The following FBXO11 variants were observed in gnomAD, a reference collection of about 807,000 sequenced individuals.
The protein encoded by FBXO11 is F-box protein 11.
FBXO11 carries 13 observed loss-of-function variants against 117.0 expected under a neutral mutation model. That is an observed-to-expected ratio of 0.11 (90% confidence interval 0.07 to 0.18). The LOEUF (loss-of-function observed/expected upper bound fraction) is 0.18. Ranked by LOEUF, FBXO11 falls within the 10% of genes least tolerant of loss-of-function variation. The pLI is 1.00. For synonymous variants in FBXO11, 490 were observed against 380.5 expected, an observed-to-expected ratio of 1.29 and a Z score of -3.35; for missense variants, 767 against 1,164.4, an observed-to-expected ratio of 0.66 and a Z score of 4.97.
chr2:47,810,242 A>G (rs1200476134), intron 19 of FBXO11, 74 bp downstream of exon 19: 1 of 997,946 alleles, frequency 1.0e-6, no homozygotes, highest in African/African-American at 1.7e-5. Flanking sequence ...TAAGCAAAAC[A>G]AAATGAATAT....
chr2:47,865,658 T>C (rs1479669334), intron 1 of FBXO11: 2 of 152,214 alleles, frequency 1.3e-5, no homozygotes, highest in African/African-American at 2.4e-5. Flanking sequence ...CTAATTTTAA[T>C]TAATAGTCAT....
chr2:47,874,795 A>G (rs925468761), intron 1 of FBXO11, among the ~76,000 whole-genome samples: 9 of 152,066 alleles, frequency 5.9e-5, no homozygotes, highest in Middle Eastern at 3.4e-3. Flanking sequence ...TCAGCCTCCC[A>G]AAGTGCTAGG....
chr2:47,809,974 T>C (rs1331093231), intron 19 of FBXO11: 6 of 495,288 alleles, frequency 1.2e-5, no homozygotes, highest in Non-Finnish European at 1.8e-5. Flanking sequence ...TTGCATCCAT[T>C]TTAACATCTC....
At chr2:47,809,092 G>C in intron 21 of FBXO11, 66 bp downstream of exon 21, 1 of 981,152 alleles carries the variant, frequency 1.0e-6, no homozygotes, top group South Asian at 1.5e-5. Context: ...AAAATGCTAG[G>C]CATTGCTAAT....
chr2:47,898,487 A>G (rs1224022575), intron 1 of FBXO11, among the ~76,000 whole-genome samples: 1 of 152,226 alleles, frequency 6.6e-6, no homozygotes, highest in Non-Finnish European at 1.5e-5. Flanking sequence ...GCCTACAACC[A>G]TGAGCTAAAA....
At chr2:47,902,595 G>A (rs974434251) in intron 1 of FBXO11, among the ~76,000 whole-genome samples, 1 of 151,812 alleles carries the variant, frequency 6.6e-6, no homozygotes, top group Non-Finnish European at 1.5e-5. Flanking sequence ...ACATACACAC[G>A]TGTGTATGTA....
At chr2:47,835,282 C>A (rs368029051) in intron 5 of FBXO11, among the ~76,000 whole-genome samples, 1 of 152,116 alleles carries the variant, frequency 6.6e-6, no homozygotes, top group African/African-American at 2.4e-5. Flanking sequence ...GACTCACTCA[C>A]GAAGGGCCGT....
chr2:47,815,959 G>C lies in FBXO11; in HGVS notation c.2007-2092C>G, dbSNP rs570906029. ...CATGCATGGCCCACGCTGGCCTCAT[G>C]GGAACACAGGTGCTCCAGCACCCGA... On this transcript the variant is annotated intron_variant, in intron 16 of 22. Coordinates refer to ENST00000403359, the MANE Select transcript of FBXO11 (RefSeq NM_001190274.2). 3.0e-4 allele frequency among the ~76,000 whole-genome samples: 45 copies of C among 152,298 alleles called. No homozygotes were observed. In the South Asian group the frequency reaches 6.4e-3, roughly 22 times the overall value.
Position 47,906,082 on chromosome 2 carries a change from G to T in FBXO11, c.-362C>A. 3.8e-6 allele frequency: 1 copy of T among 265,606 alleles called. No homozygotes were observed. The highest frequency in any genetic ancestry group is 6.0e-5 in the South Asian group (1 of 16,792). 16.5% of individuals were successfully genotyped at this position (265,606 alleles called of 1,614,324 possible). ...GAGGCGAAGCGCGGCGGCGGCGGCGGCGGCGGCTGAAGAGACAGATCCCGG... is the reference window on the plus strand; with the variant it reads ...GAGGCGAAGCGCGGCGGCGGCGGCGTCGGCGGCTGAAGAGACAGATCCCGG... On this transcript the variant is annotated 5_prime_UTR_variant, in exon 1 of 23. Coordinates refer to ENST00000403359, the MANE Select transcript of FBXO11 (RefSeq NM_001190274.2).
intron 13 of FBXO11, among the ~76,000 whole-genome samples, chr2:47,821,167 G>T (rs1319541295): frequency 6.6e-6 from 1 of 152,204 alleles, no homozygotes; most frequent in Non-Finnish European, 1.5e-5. Flanking sequence ...ACATACCACA[G>T]AATAATCTTT....
rs1048953246 is a variant in FBXO11, at chr2:47,831,389, C to T, written c.1398+960G>A. Among the ~76,000 whole-genome samples, 3 of 140,600 alleles carry T rather than the reference C, an allele frequency of 2.1e-5. No individual in the cohort carries two copies. The South Asian group carries it at 6.6e-4, about 31-fold the overall frequency. 92.2% of individuals were successfully genotyped at this position (140,600 alleles called of 152,430 possible). The stretch of plus-strand genomic sequence containing the variant: ...AAGATCACACCATTGCCATTGCACT[C>T]TAGCCTGGGCAACAAGGGTGAAACT... On this transcript the variant is annotated intron_variant, in intron 11 of 22. Coordinates refer to ENST00000403359, the MANE Select transcript of FBXO11 (RefSeq NM_001190274.2).
intron 19 of FBXO11, chr2:47,809,950 T>C (rs994274865): frequency 9.9e-6 from 5 of 504,860 alleles, no homozygotes; most frequent in Non-Finnish European, 1.4e-5. Flanking sequence ...AAATACATGA[T>C]ACTTGGATTT....
At chr2:47,839,333 G>A (rs1342296340) in intron 3 of FBXO11, 86 bp downstream of exon 3, 9 of 1,229,900 alleles carry the variant, frequency 7.3e-6, no homozygotes, top group East Asian at 2.4e-5. Flanking sequence ...GGTAATACTC[G>A]AATACACTTA....
At chr2:47,831,427 G>GAAAAAA (rs920107554) in intron 11 of FBXO11, among the ~76,000 whole-genome samples, 146 of 65,366 alleles carry the variant, frequency 2.2e-3, no homozygotes, top group East Asian at 3.6e-3. Flanking sequence ...GTCTCAAAAA[G>GAAAAAA]AAAAAAAAAA....
chr2:47,892,720 C>T (rs1421890203), intron 1 of FBXO11, among the ~76,000 whole-genome samples: 1 of 152,120 alleles, frequency 6.6e-6, no homozygotes, highest in Non-Finnish European at 1.5e-5. Context: ...TTAAACCTGT[C>T]CTCCTACCTT....
intron 1 of FBXO11, among the ~76,000 whole-genome samples, chr2:47,858,977 C>T (rs527832682): frequency 1.5e-4 from 22 of 145,022 alleles, no homozygotes; most frequent in African/African-American, 5.3e-4. Flanking sequence ...AGGCGGAGGT[C>T]GCAGTGAGCA....
At chr2:47,821,902 G>C (rs1030058489) in intron 13 of FBXO11, among the ~76,000 whole-genome samples, 1 of 152,114 alleles carries the variant, frequency 6.6e-6, no homozygotes, top group African/African-American at 2.4e-5. Context: ...GACCAGCCTG[G>C]GCAACAAGGC....
intron 1 of FBXO11, among the ~76,000 whole-genome samples, chr2:47,884,460 C>T (rs1676664675): frequency 6.6e-6 from 1 of 152,084 alleles, no homozygotes. Context: ...TTTTTGATAG[C>T]CCTCAAATAA....
intron 16 of FBXO11, among the ~76,000 whole-genome samples, chr2:47,816,247 A>G (rs909902834): frequency 3.9e-5 from 6 of 152,110 alleles, no homozygotes; most frequent in African/African-American, 1.4e-4. Flanking sequence ...TGGTATAATC[A>G]TAGCTCAGTG....
Sources: allele counts gnomAD v4.1 joint callset (sites outside exome capture counted in the v4.1 genomes callset), GRCh38; gene constraint gnomAD v4.1.1; transcripts MANE v1.5; gene names NCBI Gene and HGNC (gene_info 2026-07-23, HGNC 2026-07-21).